Variants in SIPA1L2 observed in about 807,000 individuals in gnomAD.
SIPA1L2 encodes signal-induced proliferation-associated 1-like protein 2.
In SIPA1L2, 56 loss-of-function variants were observed where a neutral mutation model predicts 163.9. The ratio of observed to expected loss-of-function variants is 0.34; its 90% confidence interval spans 0.28 to 0.43. The LOEUF is 0.43. Among genes scored for constraint, SIPA1L2 ranks in the 20% least tolerant of loss-of-function variants. The pLI, the probability that SIPA1L2 is intolerant of heterozygous loss-of-function variation, is 1.00. For missense variants in SIPA1L2, 1,974 were observed against 2,193.5 expected (o/e 0.90, Z 2.00); for synonymous variants, 877 against 865.7 (o/e 1.01, Z -0.23).
intron 17 of SIPA1L2, 37 bp downstream of exon 17, chr1:232,428,374 T>C: frequency 1.5e-6 from 2 of 1,295,712 alleles, no homozygotes; most frequent in Non-Finnish European, 2.0e-6. Flanking sequence ...TTTTTTTTAG[T>C]GTTTCTGGTA....
intron 1 of SIPA1L2, among the ~76,000 whole-genome samples, chr1:232,609,407 A>G (rs1478201324): frequency 6.6e-6 from 1 of 152,226 alleles, no homozygotes; most frequent in Non-Finnish European, 1.5e-5. Context: ...TTCCATCAAC[A>G]TACTTCTCTG....
intron 19 of SIPA1L2, among the ~76,000 whole-genome samples, chr1:232,406,653 G>A (rs1660650885): frequency 6.6e-6 from 1 of 152,160 alleles, no homozygotes; most frequent in South Asian, 2.1e-4. Context: ...ATAAGGCCAA[G>A]GCTGGATTGG....
At chr1:232,569,750 C>T (rs1659613089) in intron 2 of SIPA1L2, among the ~76,000 whole-genome samples, 2 of 152,148 alleles carry the variant, frequency 1.3e-5, no homozygotes, top group African/African-American at 4.8e-5. Flanking sequence ...GAGGCGGAGG[C>T]TGCAGCGAGC....
chr1:232,543,790 C>T (rs538046662), intron 2 of SIPA1L2, among the ~76,000 whole-genome samples: 5 of 152,190 alleles, frequency 3.3e-5, no homozygotes, highest in African/African-American at 9.6e-5. Flanking sequence ...GATCAGTGAG[C>T]CCAGGAGTTT....
At chr1:232,441,919 C>T in intron 12 of SIPA1L2, 51 bp from the exon 13 acceptor site, 1 of 1,493,364 alleles carries the variant, frequency 6.7e-7, no homozygotes, top group Non-Finnish European at 9.2e-7. Context: ...TGCCACCTGC[C>T]AGCATGCACA....
intron 7 of SIPA1L2, among the ~76,000 whole-genome samples, chr1:232,477,513 C>CA (rs1206293665): frequency 2.0e-5 from 3 of 152,254 alleles, no homozygotes; most frequent in East Asian, 1.9e-4. Flanking sequence ...CTTCAGGGAA[C>CA]AAAACAGATA....
At chr1:232,535,668 GC>G (rs1657259728) in intron 2 of SIPA1L2, among the ~76,000 whole-genome samples, 2 of 152,096 alleles carry the variant, frequency 1.3e-5, no homozygotes, top group Admixed American at 1.3e-4. Flanking sequence ...TATACCATGA[GC>G]CTATGTCCAA....
chr1:232,535,666 G>A (rs575809257), intron 2 of SIPA1L2, among the ~76,000 whole-genome samples: 44 of 152,234 alleles, frequency 2.9e-4, no homozygotes, highest in Non-Finnish European at 4.3e-4. Context: ...TATATACCAT[G>A]AGCCTATGTC....
intron 7 of SIPA1L2, among the ~76,000 whole-genome samples, chr1:232,473,071 T>C (rs924532253): frequency 2.0e-5 from 3 of 152,242 alleles, no homozygotes; most frequent in Admixed American, 1.3e-4. Context: ...AGCCACCTCA[T>C]TTAAATATGT....
chr1:232,453,642 G>A (rs1319913504), intron 10 of SIPA1L2, among the ~76,000 whole-genome samples: 2 of 152,076 alleles, frequency 1.3e-5, no homozygotes, highest in African/African-American at 4.8e-5. Context: ...TTCAGAAGAA[G>A]GGCTAGAGAG....
At chr1:232,581,377 C>T (rs746506313) in intron 1 of SIPA1L2, among the ~76,000 whole-genome samples, 1 of 152,048 alleles carries the variant, frequency 6.6e-6, no homozygotes, top group Non-Finnish European at 1.5e-5. Flanking sequence ...GGGCTGCAGC[C>T]GCTGGCCACT....
intron 1 of SIPA1L2, among the ~76,000 whole-genome samples, chr1:232,602,779 C>A (rs1372484910): frequency 3.3e-5 from 5 of 152,222 alleles, no homozygotes; most frequent in African/African-American, 1.2e-4. Context: ...ACAGAAACTT[C>A]TGCAGTGATG....
chr1:232,590,984 A>AAG (rs1252607896), intron 1 of SIPA1L2, among the ~76,000 whole-genome samples: 1 of 152,230 alleles, frequency 6.6e-6, no homozygotes, highest in Admixed American at 6.5e-5. Flanking sequence ...GGTCAAGTTA[A>AAG]AGGGCTGGTT....
intron 1 of SIPA1L2, among the ~76,000 whole-genome samples, chr1:232,622,814 A>T (rs1662886143): frequency 6.6e-6 from 1 of 152,244 alleles, no homozygotes; most frequent in Non-Finnish European, 1.5e-5. Flanking sequence ...TTCAAGATAG[A>T]TCATGTACAA....
At chr1:232,483,397 T>A (rs1665468303) in intron 6 of SIPA1L2, among the ~76,000 whole-genome samples, 1 of 152,100 alleles carries the variant, frequency 6.6e-6, no homozygotes, top group Non-Finnish European at 1.5e-5. Flanking sequence ...ATAAGCCCAA[T>A]AACACAGCAT....
chr1:232,563,590 T>C (rs985421288), intron 2 of SIPA1L2, among the ~76,000 whole-genome samples: 2 of 152,240 alleles, frequency 1.3e-5, no homozygotes, highest in African/African-American at 4.8e-5. Flanking sequence ...CAACCCTTCC[T>C]TCATAGCTTT....
At chr1:232,441,479 T>G in intron 13 of SIPA1L2, 85 bp from the exon 14 acceptor site, 1 of 1,120,322 alleles carries the variant, frequency 8.9e-7, no homozygotes, top group South Asian at 1.3e-5. Flanking sequence ...GACAAGTGGT[T>G]TGGTAAACAT....
Position 232,584,722 on chromosome 1 carries a change from C to A in SIPA1L2, c.-318-10500G>T, listed in dbSNP as rs138382258. On this transcript the variant is annotated intron_variant, in intron 1 of 22. Transcript: ENST00000674635. ...CCTACAAAGGGAAAGTATCCATTCT[C>A]AGATGAACTTCTTAAATCATACTTA... 1.8e-3 allele frequency among the ~76,000 whole-genome samples: 276 copies of A among 152,320 alleles called. 1 individual carries two copies. The highest frequency in any genetic ancestry group is 5.2e-3 in the African/African-American group (215 of 41,574).
rs1349146091 is a variant in SIPA1L2, at chr1:232,398,628, G to C, written c.*499C>G. ...CTATGCCTCCTTTCTTATTGCTATG[G>C]TAATGTGGCTGTGGAAATAAAACTA... On this transcript the variant is annotated 3_prime_UTR_variant, in exon 23 of 23. Coordinates refer to ENST00000674635, the MANE Select transcript of SIPA1L2 (RefSeq NM_020808.5). 6.6e-6 allele frequency: 1 copy of C among 151,904 alleles called. No individual in the cohort carries two copies. The highest frequency in any genetic ancestry group is 1.9e-4 in the East Asian group (1 of 5,164). 9.4% of individuals were successfully genotyped at this position (151,904 alleles called of 1,614,324 possible).
Sources: allele counts gnomAD v4.1 joint callset (sites outside exome capture counted in the v4.1 genomes callset), GRCh38; gene constraint gnomAD v4.1.1; transcripts MANE v1.5; gene names NCBI Gene and HGNC (gene_info 2026-07-23, HGNC 2026-07-21).